Variants in ARSG observed in about 807,000 individuals in gnomAD.
The protein encoded by ARSG is arylsulfatase G.
ARSG carries 37 observed loss-of-function variants against 50.5 expected under a neutral mutation model. The observed-to-expected ratio is 0.73, with a 90% confidence interval of 0.56 to 0.96. The LOEUF is 0.96. ARSG is among the 50% of genes least tolerant of loss of function. ARSG has a pLI of 0.00. For synonymous variants in ARSG, 225 were observed against 254.6 expected, an observed-to-expected ratio of 0.88 and a Z score of 1.11; for missense variants, 629 against 675.3, an observed-to-expected ratio of 0.93 and a Z score of 0.76.
downstream of ARSG, chr17:68,424,548 G>C: frequency 7.6e-6 from 4 of 529,428 alleles, no homozygotes; most frequent in Non-Finnish European, 1.6e-5. Flanking sequence ...GCTCCTCTCT[G>C]GCTCTAGGAG....
rs2078547165 is a variant in ARSG, at chr17:68,347,112, T to C, written c.407-13T>C. ...GGGATTCCTCTGAAAATCTCTCTTA[T>C]GTTTTTCTACAGGCAAATGGCATCT... On this transcript the variant is annotated splice_polypyrimidine_tract_variant and intron_variant, in intron 3 of 11. Transcript: ENST00000621439. The C allele has an allele frequency of 1.2e-6, 2 of 1,613,734 alleles. No homozygotes were observed. The highest frequency in any genetic ancestry group is 1.1e-5 in the South Asian group (1 of 91,086).
chr17:68,448,801 A>G, the ARSG span, among the ~76,000 whole-genome samples: 18 of 152,352 alleles, frequency 1.2e-4, no homozygotes, highest in African/African-American at 3.1e-4. Context: ...ATCTGCTACC[A>G]ACAGATTTCA....
At chr17:68,425,945 A>AATACTAGAGCAGAGAATTAGT (rs1378365888), downstream of ARSG, 144 of 716,806 alleles carry the variant, frequency 2.0e-4, no homozygotes, top group African/African-American at 2.4e-3. Context: ...TGGCTTTCCA[A>AATACTAGAGCAGAGAATTAGT]ATACTAGAGC....
At chr17:68,425,949 C>T (rs2083139953), downstream of ARSG, 1 of 729,814 alleles carries the variant, frequency 1.4e-6, no homozygotes. Flanking sequence ...TTTCCAAATA[C>T]TAGAGCAGAG....
At chr17:68,419,251 G>A (rs767226161) in intron 11 of ARSG, among the ~76,000 whole-genome samples, 1 of 152,194 alleles carries the variant, frequency 6.6e-6, no homozygotes, top group Non-Finnish European at 1.5e-5. Flanking sequence ...AAGGGCAGAG[G>A]TTAAAGATAC....
chr17:68,266,855 GA>G (rs1251670855), intron 1 of ARSG, among the ~76,000 whole-genome samples: 4 of 152,004 alleles, frequency 2.6e-5, no homozygotes, highest in African/African-American at 7.2e-5. Context: ...AAGTTCAGTA[GA>G]AACTTCTTGG....
intron 6 of ARSG, among the ~76,000 whole-genome samples, chr17:68,364,515 A>G (rs144794507): frequency 1.2e-3 from 189 of 152,162 alleles, no homozygotes; most frequent in African/African-American, 4.5e-3. Context: ...ACGCGTCACC[A>G]TGCCTGGCTA....
intron 11 of ARSG, among the ~76,000 whole-genome samples, chr17:68,415,180 A>G (rs1057047401): frequency 7.2e-5 from 11 of 152,078 alleles, no homozygotes; most frequent in African/African-American, 2.7e-4. Context: ...CTTTCCCCTT[A>G]GCCCCTCCTT....
Position 68,420,679 on chromosome 17 carries a change from A to G in ARSG, c.*216A>G. The G allele has an allele frequency of 1.7e-6, 1 of 594,042 alleles. No individual in the cohort carries two copies. Among genetic ancestry groups the G allele is most frequent in the East Asian group, 2.9e-5 (1 of 34,624 alleles). 36.8% of individuals were successfully genotyped at this position (594,042 alleles called of 1,614,324 possible). On this transcript the variant is annotated 3_prime_UTR_variant, in exon 12 of 12. Coordinates refer to ENST00000621439, the MANE Select transcript of ARSG (RefSeq NM_001267727.2). Reference sequence around the variant, plus strand: ...TGGCTCTGGGCAGGGAGTGTGCCTTAATGGGAAGCACACGGGCTTTGGAGT... The same window carrying G: ...TGGCTCTGGGCAGGGAGTGTGCCTTGATGGGAAGCACACGGGCTTTGGAGT...
chr17:68,274,254 C>T, intron 1 of ARSG: 1 of 537,078 alleles, frequency 1.9e-6, no homozygotes, highest in Non-Finnish European at 3.2e-6. Context: ...TCGCTTGAGC[C>T]CAGGAGTTCA....
At chr17:68,259,802 T>G (rs2075044922) in intron 1 of ARSG, among the ~76,000 whole-genome samples, 1 of 152,208 alleles carries the variant, frequency 6.6e-6, no homozygotes, top group South Asian at 2.1e-4. Context: ...GTGGCTTGTG[T>G]CTATTGTATT....
chr17:68,276,780 C>G (rs960110304), intron 1 of ARSG, among the ~76,000 whole-genome samples: 8 of 152,002 alleles, frequency 5.3e-5, no homozygotes, highest in African/African-American at 1.9e-4. Context: ...GTGAGTTCAA[C>G]AGCCCTTTTC....
chr17:68,326,933 C>T (rs560853114), intron 2 of ARSG, among the ~76,000 whole-genome samples: 1 of 152,284 alleles, frequency 6.6e-6, no homozygotes, highest in South Asian at 2.1e-4. Flanking sequence ...GGATGCTCTA[C>T]AGCAAAACAC....
chr17:68,311,820 T>G lies in ARSG; in HGVS notation c.218+4109T>G, dbSNP rs1347841302. On this transcript the variant is annotated intron_variant, in intron 2 of 11. Coordinates refer to ENST00000621439, the MANE Select transcript of ARSG (RefSeq NM_001267727.2). ...CTGTACTTTTTTTTTTTTTTTTTTT[T>G]GACGGAGTCTTGCTCTGTCGCCCAG... Among the ~76,000 whole-genome samples, 426 of 150,112 alleles carry G rather than the reference T, an allele frequency of 2.8e-3. 2 individuals are homozygous for G. The highest frequency in any genetic ancestry group is 0.01 in the African/African-American group (410 of 40,676).
chr17:68,445,560 C>T, the ARSG span, among the ~76,000 whole-genome samples: 1 of 152,320 alleles, frequency 6.6e-6, no homozygotes, highest in East Asian at 1.9e-4. Context: ...TCCTGGGCTC[C>T]TCTCTCTGGT....
intron 1 of ARSG, among the ~76,000 whole-genome samples, chr17:68,305,943 G>A (rs1204044072): frequency 6.6e-6 from 1 of 151,946 alleles, no homozygotes; most frequent in African/African-American, 2.4e-5. Context: ...GGGGTGTGTT[G>A]GTGGGCACCT....
At chr17:68,322,399 C>G (rs1555770867) in intron 2 of ARSG, among the ~76,000 whole-genome samples, 1 of 152,198 alleles carries the variant, frequency 6.6e-6, no homozygotes, top group Admixed American at 6.5e-5. Flanking sequence ...GAGGCTGAGG[C>G]AGGCGGATCA....
chr17:68,405,403 C>A, intron 11 of ARSG, among the ~76,000 whole-genome samples: 1 of 152,026 alleles, frequency 6.6e-6, no homozygotes, highest in East Asian at 1.9e-4. Flanking sequence ...AAGTCTTTCA[C>A]TTTTTTGTGT....
chr17:68,431,055 T>C, the ARSG span, among the ~76,000 whole-genome samples: 1 of 152,210 alleles, frequency 6.6e-6, no homozygotes, highest in Non-Finnish European at 1.5e-5. Flanking sequence ...CGAAGCATCC[T>C]GAGACATCCT....
Sources: allele counts gnomAD v4.1 joint callset (sites outside exome capture counted in the v4.1 genomes callset), GRCh38; gene constraint gnomAD v4.1.1; transcripts MANE v1.5; gene names NCBI Gene and HGNC (gene_info 2026-07-23, HGNC 2026-07-21).